SLC30A4: variants seen among roughly 807,000 people sequenced by gnomAD.
The protein encoded by SLC30A4 is probable proton-coupled zinc antiporter SLC30A4.
Under a neutral mutation model 41.7 loss-of-function variants are expected in SLC30A4, and 20 were observed. The ratio of observed to expected loss-of-function variants is 0.48; its 90% CI spans 0.34 to 0.70. The LOEUF is 0.70. Ranked by LOEUF, SLC30A4 falls within the 30% of genes least tolerant of loss-of-function variation. The pLI is 0.01. For synonymous variants in SLC30A4, 181 were observed against 195.9 expected (o/e 0.92, Z 0.64); for missense variants, 441 against 529.3 (o/e 0.83, Z 1.64).
At chr15:45,501,277 C>A (rs138612977) in intron 3 of SLC30A4, among the ~76,000 whole-genome samples, 41 of 151,802 alleles carry the variant, frequency 2.7e-4, no homozygotes, top group African/African-American at 9.9e-4. Flanking sequence ...CACTGCACTC[C>A]AGCCTGGGCA....
chr15:45,514,094 C>A (rs1172847400), intron 2 of SLC30A4: 1 of 152,208 alleles, frequency 6.6e-6, no homozygotes, highest in African/African-American at 2.4e-5. Context: ...ACCTGTAATC[C>A]CAGCATTTTG....
At chr15:45,515,053 T>A (rs887427414) in intron 2 of SLC30A4, among the ~76,000 whole-genome samples, 1 of 151,744 alleles carries the variant, frequency 6.6e-6, no homozygotes, top group Non-Finnish European at 1.5e-5. Context: ...CTAATTTTTT[T>A]TTTTTTAATT....
intron 3 of SLC30A4, among the ~76,000 whole-genome samples, chr15:45,498,190 G>A (rs1891944667): frequency 6.6e-6 from 1 of 152,108 alleles, no homozygotes; most frequent in Admixed American, 6.6e-5. Context: ...AATAGGGAAG[G>A]AGAGTGGAGC....
chr15:45,518,058 T>G (rs1480506637), intron 2 of SLC30A4, among the ~76,000 whole-genome samples: 1 of 152,224 alleles, frequency 6.6e-6, no homozygotes. Context: ...CCTGATCTCT[T>G]CCTCCTGCCT....
chr15:45,505,540 A>G (rs578260974), intron 3 of SLC30A4, among the ~76,000 whole-genome samples: 1 of 152,330 alleles, frequency 6.6e-6, no homozygotes, highest in African/African-American at 2.4e-5. Flanking sequence ...GGAGCAAGGG[A>G]ATATTACTTC....
intron 5 of SLC30A4, among the ~76,000 whole-genome samples, chr15:45,488,370 C>A (rs1280416629): frequency 6.6e-6 from 1 of 152,040 alleles, no homozygotes; most frequent in Non-Finnish European, 1.5e-5. Context: ...GCCAGGAATT[C>A]GAGACCAGCC....
intron 3 of SLC30A4, among the ~76,000 whole-genome samples, chr15:45,491,698 T>G (rs183843347): frequency 6.6e-6 from 1 of 152,168 alleles, no homozygotes; most frequent in Non-Finnish European, 1.5e-5. Flanking sequence ...CAAGACTCTA[T>G]CTCTAAAAAA....
chr15:45,521,858 CA>C, intron 2 of SLC30A4, 105 bp downstream of exon 2: 1 of 1,200,296 alleles, frequency 8.3e-7, no homozygotes, highest in Non-Finnish European at 1.2e-6. Flanking sequence ...TTGATAAATA[CA>C]AACTTCCTGA....
intron 3 of SLC30A4, 137 bp downstream of exon 3, chr15:45,511,001 A>T (rs1171009428): frequency 1.5e-6 from 1 of 657,342 alleles, no homozygotes; most frequent in Non-Finnish European, 2.6e-6. Flanking sequence ...GATGTTTCTG[A>T]ATAAATTTTG....
chr15:45,487,025 G>GAA (rs377045070), intron 6 of SLC30A4, among the ~76,000 whole-genome samples: 1 of 133,722 alleles, frequency 7.5e-6, no homozygotes, highest in Non-Finnish European at 1.6e-5. Context: ...GATAAACTAA[G>GAA]AAAAAAAAAA....
Position 45,483,568 on chromosome 15 carries a change from G to A in SLC30A4, c.*1595C>T, listed in dbSNP as rs1891641741. The A allele has an allele frequency of 6.6e-6, 1 of 152,068 alleles. No individual in the cohort carries two copies. The highest frequency in any genetic ancestry group is 1.5e-5 in the Non-Finnish European group (1 of 68,000). The allele number at this position is 152,068 out of a possible 1,614,324, so 9.4% of individuals were successfully genotyped here. A position where few individuals can be genotyped will look rare whatever the true frequency, so the allele number is the denominator to read the frequency against. ...CAGATTTAATGTCCATCCCTATCTA[G>A]TGCTTTAAAACACACACATACAGGC... On this transcript the variant is annotated 3_prime_UTR_variant, in exon 8 of 8. Coordinates refer to ENST00000261867, the MANE Select transcript of SLC30A4 (RefSeq NM_013309.6).
intron 2 of SLC30A4, among the ~76,000 whole-genome samples, chr15:45,512,011 G>A (rs967069201): frequency 6.6e-6 from 1 of 152,076 alleles, no homozygotes; most frequent in South Asian, 2.1e-4. Context: ...ATTAAACTGA[G>A]AAAACCTACA....
chr15:45,489,500 A>C (rs536194908), intron 4 of SLC30A4, among the ~76,000 whole-genome samples: 3 of 151,680 alleles, frequency 2.0e-5, no homozygotes, highest in South Asian at 2.1e-4. Context: ...TGAAAAAAGA[A>C]AGCAGCCACT....
chr15:45,507,218 G>C (rs1386768344), intron 3 of SLC30A4, among the ~76,000 whole-genome samples: 3 of 151,944 alleles, frequency 2.0e-5, no homozygotes, highest in Admixed American at 2.0e-4. Context: ...TACTCTGGAG[G>C]CTGAGGCAGG....
chr15:45,502,763 G>A (rs1024101890), intron 3 of SLC30A4: 7 of 152,316 alleles, frequency 4.6e-5, no homozygotes, highest in African/African-American at 1.7e-4. Context: ...GGGAGACTGA[G>A]GTGGAAGGAT....
At chr15:45,487,085 G>T (rs1891718104) in intron 6 of SLC30A4, among the ~76,000 whole-genome samples, 1 of 151,692 alleles carries the variant, frequency 6.6e-6, no homozygotes, top group South Asian at 2.1e-4. Context: ...CTATTGTTAA[G>T]AACTTTTATT....
chr15:45,520,116 T>A (rs997926674), intron 2 of SLC30A4, among the ~76,000 whole-genome samples: 1 of 152,166 alleles, frequency 6.6e-6, no homozygotes, highest in Non-Finnish European at 1.5e-5. Flanking sequence ...TAATATTAAA[T>A]GAGTAAATAA....
rs756738869 is a variant in SLC30A4 at position 45,522,016 on chromosome 15, C to G, written c.339G>C (p.Arg113Ser). 3.7e-6 allele frequency: 6 copies of G among 1,614,228 alleles called. No individual in the cohort carries two copies. The highest frequency in any genetic ancestry group is 5.1e-6 in the Non-Finnish European group (6 of 1,180,048). The change falls in exon 2 of 8, where the codon AGG becomes AGC. Residue 113 changes from arginine to serine, a missense_variant. Transcript: ENST00000261867. ...AGTACAGAACGGCAGCAATGGTCAA[C>G]CTGGCTTTCACCTTTCTCTGCTTCA... ...EILKQRKVKA[R>S]LTIAAVLYLL...
intron 3 of SLC30A4, among the ~76,000 whole-genome samples, chr15:45,495,058 C>A (rs1405074398): frequency 6.6e-6 from 1 of 151,174 alleles, no homozygotes; most frequent in East Asian, 2.0e-4. Context: ...GAGGTTGAGG[C>A]GGGAGGATCA....
Sources: allele counts gnomAD v4.1 joint callset (sites outside exome capture counted in the v4.1 genomes callset), GRCh38; gene constraint gnomAD v4.1.1; transcripts MANE v1.5; gene names NCBI Gene and HGNC (gene_info 2026-07-23, HGNC 2026-07-21).